The following MDN1 variants were observed in gnomAD, a reference collection of about 807,000 sequenced individuals.
MDN1 encodes the protein midasin AAA ATPase 1, also known as midasin.
Under a neutral mutation model 669.2 loss-of-function variants are expected in MDN1, and 266 were observed. The ratio of observed to expected loss-of-function variants is 0.40; its 90% CI spans 0.36 to 0.44. The LOEUF (loss-of-function observed/expected upper bound fraction) is 0.44. Ranked by LOEUF, MDN1 falls within the 20% of genes least tolerant of loss-of-function variation. MDN1 has a pLI of 1.00. For missense variants in MDN1, 5,940 were observed against 6,754.0 expected (o/e 0.88, Z 4.22); for synonymous variants, 2,385 against 2,457.1 (o/e 0.97, Z 0.87).
chr6:89,695,646 C>T lies in MDN1; in HGVS notation c.9730G>A (p.Ala3244Thr), dbSNP rs1384656210. The T allele has an allele frequency of 1.2e-6, 2 of 1,609,846 alleles. No homozygotes were observed. Among genetic ancestry groups the T allele is most frequent in the Middle Eastern group, 1.6e-4 (1 of 6,072 alleles). Residue 3244 changes from alanine to threonine, a missense_variant, in exon 61 of 102, where the codon GCG (alanine) becomes ACG (threonine). By Grantham distance (58) the Ala-to-Thr change is moderately conservative. Coordinates refer to ENST00000369393, the MANE Select transcript of MDN1 (RefSeq NM_014611.3). The surrounding 1 kb of genome is among the most constrained non-coding windows in gnomAD (Gnocchi z 4.1). ...TWLPQARFDP[A>T]VKREYKLNYV... ...TTGAGCTTGTACTCCCTCTTCACCGCAGGGTCAAAGCGTGCCTGGGGAAGC... is the reference window on the plus strand; with the variant it reads ...TTGAGCTTGTACTCCCTCTTCACCGTAGGGTCAAAGCGTGCCTGGGGAAGC...
At chr6:89,768,733 T>TC (rs1187673143) in intron 15 of MDN1, among the ~76,000 whole-genome samples, 47 of 150,586 alleles carry the variant, frequency 3.1e-4, no homozygotes, top group East Asian at 5.8e-4. Flanking sequence ...TGAGACCCTG[T>TC]CCCCCCCCAA....
Position 89,713,210 on chromosome 6 carries a change from C to T in MDN1, c.7156G>A (p.Ala2386Thr). ...YLQRGLSLDRAFSEACWEVYV... is the reference protein window; with the variant it reads ...YLQRGLSLDRTFSEACWEVYV... ...ACTTCCCAGCATGCTTCAGAAAAGG[C>T]TCTGTCTAAACTCAGCCCTCGCTGC... The change falls in exon 47 of 102, where the codon GCC becomes ACC. Residue 2386 changes from alanine to threonine, a missense_variant. Transcript: ENST00000369393. The T allele has an allele frequency of 2.5e-6, 4 of 1,614,122 alleles. No homozygotes were observed. Among genetic ancestry groups the T allele is most frequent in the Non-Finnish European group, 2.5e-6 (3 of 1,180,010 alleles).
chr6:89,785,007 C>A lies in MDN1; in HGVS notation c.1449+5G>T, dbSNP rs746340555. ...CAGCATTGATACTTTCCAAGACCCA[C>A]GTACCTCATTCAGTTCTCTCTTATC... On this transcript the variant is annotated splice_donor_5th_base_variant and intron_variant, in intron 9 of 101. Transcript: ENST00000369393. The A allele has an allele frequency of 1.3e-6, 2 of 1,589,610 alleles. No homozygotes were observed. The highest frequency in any genetic ancestry group is 1.7e-5 in the Admixed American group (1 of 59,938).
At chr6:89,678,577 G>T (rs542807145) in intron 75 of MDN1, 22 bp downstream of exon 75, 7 of 1,608,926 alleles carry the variant, frequency 4.4e-6, no homozygotes, top group Non-Finnish European at 5.9e-6. Flanking sequence ...ACATTTCATT[G>T]GGTTTCAAGT....
At chr6:89,658,423 G>A (rs1325875908) in intron 89 of MDN1, 53 bp from the exon 90 acceptor site, 45 of 1,606,114 alleles carry the variant, frequency 2.8e-5, no homozygotes, top group Non-Finnish European at 2.7e-5. Flanking sequence ...AACAGCATAA[G>A]GTGGGAGACC....
rs777591970 is a variant in MDN1, at chr6:89,658,243, G to A, written c.15149C>T (p.Ala5050Val). 1.2e-6 allele frequency: 2 copies of A among 1,614,192 alleles called. No individual in the cohort carries two copies. The highest frequency in any genetic ancestry group is 1.7e-6 in the Non-Finnish European group (2 of 1,180,038). ...CTGCTCCTTCTCAGGTGCGGCCCCAGCCAGCTCCATGGCCTGTGTGTTCTG... is the reference window on the plus strand; with the variant it reads ...CTGCTCCTTCTCAGGTGCGGCCCCAACCAGCTCCATGGCCTGTGTGTTCTG... Reference protein sequence around the residue: ...NMQNTQAMELAGAAPEKEQGK... With the variant: ...NMQNTQAMELVGAAPEKEQGK... Residue 5050 changes from alanine to valine, a missense_variant, in exon 90 of 102, where the codon GCT becomes GTT. Ala to Val is a moderately conservative substitution (Grantham distance 64). This residue lies in a region of MDN1 where 2,280 missense variants were observed against 2,576.3 expected (regional missense o/e 0.88). Transcript: ENST00000369393.
rs187139297 is a variant in MDN1 at position 89,684,076 on chromosome 6, G to T, written c.11830-172C>A. Among the ~76,000 whole-genome samples, 325 of 152,284 alleles carry T rather than the reference G, an allele frequency of 2.1e-3. 1 individual carries two copies. Among genetic ancestry groups the T allele is most frequent in the African/African-American group, 7.5e-3 (313 of 41,566 alleles). ...AAGAAACCATGGGCTAGGCGCGGTG[G>T]CTCACACCTGTAATCCCAGCACTTT... On this transcript the variant is annotated intron_variant, in intron 71 of 101. Coordinates refer to ENST00000369393, the MANE Select transcript of MDN1 (RefSeq NM_014611.3).
Position 89,789,833 on chromosome 6 carries a change from T to C in MDN1, c.1177A>G (p.Thr393Ala). 1 of 1,614,170 alleles carries C rather than the reference T, an allele frequency of 6.2e-7. No homozygotes were observed. The change falls in exon 7 of 102, where the codon ACA becomes GCA. Residue 393 changes from threonine to alanine, a missense_variant. By Grantham distance (58) the Thr-to-Ala change is moderately conservative. This residue lies in a region of MDN1 where 1,203 missense variants were observed against 1,268.9 expected (regional missense o/e 0.95). Coordinates refer to ENST00000369393, the MANE Select transcript of MDN1 (RefSeq NM_014611.3). ...WQPGTLTQAA[T>A]MGHWILLEDI... ...TCCAGAAGGATCCAGTGGCCCATTG[T>C]GGCTGCCTGTGTCAGGGTGCCAGGC...
chr6:89,673,525 T>A, intron 79 of MDN1, 63 bp from the exon 80 acceptor site: 1 of 1,392,050 alleles, frequency 7.2e-7, no homozygotes, highest in Non-Finnish European at 1.0e-6. Flanking sequence ...CACACACCCC[T>A]CCCTGCAACC....
chr6:89,787,777 A>G, intron 8 of MDN1, 77 bp downstream of exon 8: 1 of 1,094,978 alleles, frequency 9.1e-7, no homozygotes, highest in African/African-American at 1.6e-5. Flanking sequence ...GAACTCTATT[A>G]CAGGACCTCT....
chr6:89,684,710 A>T (rs918844969), intron 71 of MDN1, among the ~76,000 whole-genome samples, 166 bp downstream of exon 71: 1 of 152,188 alleles, frequency 6.6e-6, no homozygotes, highest in South Asian at 2.1e-4. Context: ...GTGACAAAAG[A>T]AGCCAATGCC....
intron 63 of MDN1, among the ~76,000 whole-genome samples, chr6:89,691,626 C>T (rs1177506042): frequency 2.0e-5 from 3 of 151,942 alleles, no homozygotes; most frequent in Non-Finnish European, 2.9e-5. Context: ...TTACTTGTGT[C>T]ATAAACATAC....
intron 73 of MDN1, among the ~76,000 whole-genome samples, chr6:89,682,851 G>A (rs1220750782): frequency 6.7e-6 from 1 of 149,778 alleles, no homozygotes; most frequent in Non-Finnish European, 1.5e-5. Context: ...GGAGGTTGAC[G>A]TGGAAGGATC....
chr6:89,667,905 C>A, intron 84 of MDN1, 109 bp downstream of exon 84: 1 of 1,378,572 alleles, frequency 7.3e-7, no homozygotes, highest in Non-Finnish European at 9.9e-7. Context: ...CTCTGTAGAT[C>A]ACAGATTAAA....
At position 89,723,640 on chromosome 6, in the gene MDN1, T is replaced by C. The variant is rs375923196; in HGVS notation, c.5671-21A>G. On this transcript the variant is annotated intron_variant, in intron 38 of 101. Transcript: ENST00000369393. Reference sequence around the variant, plus strand: ...AAGACCTAGAAATCCAAAAATAATATGAAGAAATGCCTTTGTTTCTCTTTA... The same window carrying C: ...AAGACCTAGAAATCCAAAAATAATACGAAGAAATGCCTTTGTTTCTCTTTA... 47 of 1,387,132 alleles carry C rather than the reference T, an allele frequency of 3.4e-5. No homozygotes were observed. The African/African-American group carries it at 5.2e-4, about 15-fold the overall frequency. The allele number at this position is 1,387,132 out of a possible 1,614,324, so 85.9% of individuals were successfully genotyped here.
chr6:89,680,885 A>G, intron 73 of MDN1, 134 bp from the exon 74 acceptor site: 1 of 967,146 alleles, frequency 1.0e-6, no homozygotes, highest in Non-Finnish European at 1.5e-6. Flanking sequence ...TAGCATCACT[A>G]AAATTAAAAG....
chr6:89,790,282 C>T lies in MDN1; in HGVS notation c.975G>A (p.Val325=), dbSNP rs1445128362. Residue 325 remains valine, a synonymous_variant, in exon 6 of 102, where the codon GTG becomes GTA. Coordinates refer to ENST00000369393, the MANE Select transcript of MDN1 (RefSeq NM_014611.3). ...LAMAVASQNA[V]LLEGPIGCGK... is the part of the protein sequence containing the mutation. ...CACATCCTATTGGTCCTTCCAACAACACAGCATTCTGAGAAGCAACCGCCA... is the reference window on the plus strand; with the variant it reads ...CACATCCTATTGGTCCTTCCAACAATACAGCATTCTGAGAAGCAACCGCCA... 1.2e-6 allele frequency: 2 copies of T among 1,614,020 alleles called. No homozygotes were observed. The highest frequency in any genetic ancestry group is 1.3e-5 in the African/African-American group (1 of 74,900).
At position 89,781,438 on chromosome 6, in the gene MDN1, T is replaced by C. The variant is rs1178311532; in HGVS notation, c.1604A>G (p.Asn535Ser). ...TCTTCCCTCAAGGGTTGGTCTTTTG[T>C]TTTCTCTTCTGGCTTCTGAAACTTC... ...PEEVSEARRE[N>S]KRPTLEGREL... Residue 535 changes from asparagine (N) to serine (S), a missense_variant, in exon 10 of 102, where the codon AAC becomes AGC. By Grantham distance (46) the Asn-to-Ser change is conservative. Transcript: ENST00000369393. 6.2e-7 allele frequency: 1 copy of C among 1,614,124 alleles called. No individual in the cohort carries two copies. Among genetic ancestry groups the C allele is most frequent in the Non-Finnish European group, 8.5e-7 (1 of 1,180,016 alleles).
chr6:89,677,445 T>C (rs1327094282), intron 76 of MDN1, 125 bp downstream of exon 76: 3 of 1,247,580 alleles, frequency 2.4e-6, no homozygotes, highest in Non-Finnish European at 3.3e-6. Context: ...GCCAGGCACT[T>C]TTGTAAGTGG....
Sources: gnomAD v4.1 joint callset for allele counts (sites outside exome capture counted in the v4.1 genomes callset) on GRCh38, gnomAD v4.1.1 for gene constraint, gnomAD v4.1.1 regional missense constraint, Gnocchi (gnomAD v3.1) non-coding constraint, MANE v1.5 for transcripts, NCBI Gene and HGNC (gene_info 2026-07-23, HGNC 2026-07-21) for gene names.